Variants in DPYD observed in about 807,000 individuals in gnomAD.
The protein encoded by DPYD is dihydropyrimidine dehydrogenase.
In DPYD, 109 loss-of-function variants were observed where a neutral mutation model predicts 116.2. That is an observed-to-expected ratio of 0.94 (90% confidence interval 0.80 to 1.10). The LOEUF (loss-of-function observed/expected upper bound fraction) is 1.10, where lower values mean the gene tolerates loss of function less well. Among genes scored for constraint, DPYD ranks in the 50% least tolerant of loss-of-function variants. The pLI, the probability that DPYD is intolerant of heterozygous loss-of-function variation, is 0.00. For missense variants in DPYD, 1,302 were observed against 1,254.5 expected (o/e 1.04, Z -0.57); for synonymous variants, 440 against 432.0 (o/e 1.02, Z -0.23).
chr1:97,778,171 AAAG>A (rs1189050628), intron 3 of DPYD, among the ~76,000 whole-genome samples: 1,291 of 100,406 alleles, frequency 0.013, 12 homozygotes, highest in East Asian at 0.027. Context: ...AAAAAAAAAA[AAAG>A]AAAGAAAGAA....
intron 13 of DPYD, among the ~76,000 whole-genome samples, chr1:97,505,737 T>C (rs529742535): frequency 6.6e-6 from 1 of 151,904 alleles, no homozygotes; most frequent in Non-Finnish European, 1.5e-5. Context: ...TCAAAATACA[T>C]CAAATCTTGC....
At chr1:97,728,864 G>T (rs1027326892) in intron 4 of DPYD, among the ~76,000 whole-genome samples, 1 of 151,806 alleles carries the variant, frequency 6.6e-6, no homozygotes, top group East Asian at 1.9e-4. Context: ...CAACCTGTGG[G>T]TCCTCAGATA....
At chr1:97,518,851 T>C (rs1648428817) in intron 12 of DPYD, among the ~76,000 whole-genome samples, 8 of 151,908 alleles carry the variant, frequency 5.3e-5, no homozygotes, top group Admixed American at 5.3e-4. Flanking sequence ...TGAAAGAGGG[T>C]TTATTATGTA....
intron 18 of DPYD, among the ~76,000 whole-genome samples, chr1:97,284,609 T>C (rs796354265): frequency 5.9e-5 from 9 of 152,196 alleles, no homozygotes; most frequent in African/African-American, 2.2e-4. Flanking sequence ...AAGCATCAAA[T>C]AAAAGTTTTA....
intron 16 of DPYD, among the ~76,000 whole-genome samples, chr1:97,337,570 C>T (rs1014457115): frequency 2.6e-5 from 4 of 151,982 alleles, no homozygotes; most frequent in South Asian, 2.1e-4. Flanking sequence ...CACCTTCAAA[C>T]GAGATCTTAG....
chr1:97,749,212 T>C (rs577263679), intron 3 of DPYD, among the ~76,000 whole-genome samples: 3 of 152,352 alleles, frequency 2.0e-5, no homozygotes, highest in African/African-American at 4.8e-5. Context: ...TGTACAAATA[T>C]GGTCTATCTT....
chr1:97,318,908 G>A (rs1668045669), intron 16 of DPYD, among the ~76,000 whole-genome samples: 1 of 146,456 alleles, frequency 6.8e-6, no homozygotes, highest in South Asian at 2.3e-4. Flanking sequence ...AATCAAACTA[G>A]AACTCAGGAT....
intron 3 of DPYD, chr1:97,797,000 A>C (rs566712970): frequency 6.6e-6 from 1 of 152,124 alleles, no homozygotes; most frequent in Non-Finnish European, 1.5e-5. Context: ...GAAAAACTAC[A>C]TGGCTTACCA....
chr1:97,394,229 C>T (rs1570658116), intron 14 of DPYD: 1 of 152,066 alleles, frequency 6.6e-6, no homozygotes, highest in South Asian at 2.1e-4. Context: ...AAATTTTCTC[C>T]CATTCTGTAG....
chr1:97,534,301 T>A (rs954760550), intron 12 of DPYD, among the ~76,000 whole-genome samples: 2 of 152,242 alleles, frequency 1.3e-5, no homozygotes, highest in South Asian at 4.1e-4. Flanking sequence ...ATTTTGAGTA[T>A]TGGTTATAAG....
intron 12 of DPYD, among the ~76,000 whole-genome samples, chr1:97,537,550 T>G (rs1026921313): frequency 6.6e-6 from 1 of 151,958 alleles, no homozygotes; most frequent in Non-Finnish European, 1.5e-5. Flanking sequence ...TGTAAAAAAT[T>G]TCATTTATTG....
intron 14 of DPYD, chr1:97,420,044 G>A (rs1674498186): frequency 6.6e-6 from 1 of 152,226 alleles, no homozygotes; most frequent in African/African-American, 2.4e-5. Flanking sequence ...ACAAGGGACA[G>A]TAGAGGACAC....
rs1166089346 is a variant in DPYD, at chr1:97,293,858, G to C, written c.2299+11401C>G. Among the ~76,000 whole-genome samples, 3 of 145,942 alleles carry C rather than the reference G, an allele frequency of 2.1e-5. No individual in the cohort carries two copies. The East Asian group carries it at 6.3e-4, about 30-fold the overall frequency. On this transcript the variant is annotated intron_variant, in intron 18 of 22. Coordinates refer to ENST00000370192, the MANE Select transcript of DPYD (RefSeq NM_000110.4). ...AGCTACTCGGGAAGCTGAGGCATGA[G>C]AATCGCTCGAACCCGGGAGGTGGAG... is the stretch of plus-strand genomic sequence containing the variant.
chr1:97,292,369 A>T (rs1666251134), intron 18 of DPYD, among the ~76,000 whole-genome samples: 1 of 152,158 alleles, frequency 6.6e-6, no homozygotes, highest in Non-Finnish European at 1.5e-5. Flanking sequence ...GGAAGCAAAC[A>T]TGTCCTTCTT....
At chr1:97,167,879 C>T (rs1206059208) in intron 20 of DPYD, among the ~76,000 whole-genome samples, 1 of 152,104 alleles carries the variant, frequency 6.6e-6, no homozygotes, top group East Asian at 1.9e-4. Flanking sequence ...TTCTAAAATT[C>T]ACAAGTTTGT....
chr1:97,827,630 T>C (rs1669304418), intron 3 of DPYD, among the ~76,000 whole-genome samples: 1 of 152,044 alleles, frequency 6.6e-6, no homozygotes, highest in Non-Finnish European at 1.5e-5. Context: ...AGGAAGTTAA[T>C]TATATGCTTT....
intron 1 of DPYD, among the ~76,000 whole-genome samples, chr1:97,884,997 T>TTCTAAACTACAATGTTTA (rs1396353147): frequency 2.6e-5 from 4 of 152,002 alleles, no homozygotes; most frequent in Non-Finnish European, 5.9e-5. Flanking sequence ...ATGAAATGCA[T>TTCTAAACTACAATGTTTA]GATACAACAT....
intron 19 of DPYD, among the ~76,000 whole-genome samples, chr1:97,208,559 A>G (rs1263021974): frequency 6.6e-6 from 1 of 152,072 alleles, no homozygotes; most frequent in Non-Finnish European, 1.5e-5. Flanking sequence ...GATTGGGACT[A>G]TAGGTGTGAC....
intron 8 of DPYD, among the ~76,000 whole-genome samples, chr1:97,664,119 T>A (rs1231301235): frequency 6.6e-6 from 1 of 152,194 alleles, no homozygotes. Context: ...AATGAAGTTA[T>A]ATAAGCATTA....
Sources: gnomAD v4.1 joint callset for allele counts (sites outside exome capture counted in the v4.1 genomes callset) on GRCh38, gnomAD v4.1.1 for gene constraint, MANE v1.5 for transcripts, NCBI Gene and HGNC (gene_info 2026-07-23, HGNC 2026-07-21) for gene names.